Variants in SAMD12 observed in about 807,000 individuals in gnomAD.
The protein encoded by SAMD12 is sterile alpha motif domain-containing protein 12.
In SAMD12, 9 loss-of-function variants were observed where a neutral mutation model predicts 15.0. The observed-to-expected ratio is 0.60, with a 90% CI of 0.36 to 1.05. The LOEUF (loss-of-function observed/expected upper bound fraction) is 1.05. SAMD12 is among the 50% of genes least tolerant of loss of function. The pLI is 0.01. For synonymous variants in SAMD12, 86 were observed against 90.1 expected (o/e 0.96, Z 0.25); for missense variants, 230 against 234.2 (o/e 0.98, Z 0.12).
intron 4 of SAMD12, among the ~76,000 whole-genome samples, chr8:118,290,692 C>A (rs568174880): frequency 5.9e-5 from 9 of 152,262 alleles, no homozygotes; most frequent in Admixed American, 3.9e-4. Flanking sequence ...TTAATTACTA[C>A]TTAAGTTCAA....
intron 4 of SAMD12, among the ~76,000 whole-genome samples, chr8:118,228,957 A>G (rs1812245433): frequency 6.6e-6 from 1 of 152,244 alleles, no homozygotes; most frequent in South Asian, 2.1e-4. Flanking sequence ...CTACTCTGCC[A>G]TAAAAAGGAA....
the SAMD12 span, among the ~76,000 whole-genome samples, chr8:118,163,362 G>C: frequency 6.6e-6 from 1 of 152,192 alleles, no homozygotes; most frequent in African/African-American, 2.4e-5. Context: ...TTACAGGTGT[G>C]AGCCTGCAAC....
chr8:118,320,534 T>C (rs1816178028), intron 4 of SAMD12, among the ~76,000 whole-genome samples: 1 of 152,032 alleles, frequency 6.6e-6, no homozygotes, highest in Non-Finnish European at 1.5e-5. Flanking sequence ...ATCAACTCGT[T>C]ATATTGAAAA....
intron 3 of SAMD12, among the ~76,000 whole-genome samples, chr8:118,398,413 A>AAAAT (rs1820699327): frequency 6.6e-6 from 1 of 152,164 alleles, no homozygotes; most frequent in Non-Finnish European, 1.5e-5. Flanking sequence ...ACAAAATAAA[A>AAAAT]AAATAAAAAA....
intron 2 of SAMD12, among the ~76,000 whole-genome samples, chr8:118,469,525 A>AATATATATC (rs1554669443): frequency 7.8e-4 from 1 of 1,282 alleles, no homozygotes; most frequent in African/African-American, 2.6e-3. Flanking sequence ...TAATATATAT[A>AATATATATC]ATATATTATA....
At chr8:118,522,199 T>TACAC (rs1554679226) in intron 2 of SAMD12, among the ~76,000 whole-genome samples, 1 of 15,802 alleles carries the variant, frequency 6.3e-5, no homozygotes, top group Non-Finnish European at 1.2e-4. Context: ...CACACACACA[T>TACAC]ACACACACAC....
At chr8:118,369,820 A>G (rs1818989522) in intron 4 of SAMD12, among the ~76,000 whole-genome samples, 1 of 152,188 alleles carries the variant, frequency 6.6e-6, no homozygotes, top group Non-Finnish European at 1.5e-5. Context: ...CAAAAACTGT[A>G]GAAGAAAATC....
intron 4 of SAMD12, among the ~76,000 whole-genome samples, chr8:118,325,429 G>A (rs114586563): frequency 7.0e-4 from 107 of 152,180 alleles, no homozygotes; most frequent in African/African-American, 2.0e-3. Flanking sequence ...TTGCTCCCCC[G>A]GGTTTATTGA....
the SAMD12 span, among the ~76,000 whole-genome samples, chr8:118,175,802 G>T: frequency 2.2e-4 from 34 of 152,194 alleles, no homozygotes; most frequent in South Asian, 6.8e-3. Flanking sequence ...ATATCACACT[G>T]GTCAGAATGG....
intron 2 of SAMD12, among the ~76,000 whole-genome samples, chr8:118,486,959 T>C (rs1824308578): frequency 6.6e-6 from 1 of 152,156 alleles, no homozygotes; most frequent in African/African-American, 2.4e-5. Flanking sequence ...AGAGGTGAAG[T>C]AAGGGGAATA....
chr8:118,385,943 T>C (rs1248888268), intron 3 of SAMD12, among the ~76,000 whole-genome samples: 3 of 152,232 alleles, frequency 2.0e-5, no homozygotes, highest in South Asian at 4.2e-4. Flanking sequence ...CACATGCCAA[T>C]TGAAAGCAAT....
intron 2 of SAMD12, among the ~76,000 whole-genome samples, chr8:118,468,216 A>G (rs1823653303): frequency 6.6e-6 from 1 of 152,194 alleles, no homozygotes; most frequent in Non-Finnish European, 1.5e-5. Context: ...GTGGAAAAAC[A>G]GCTGTGGCAA....
chr8:118,492,241 A>T (rs1179330524), intron 2 of SAMD12, among the ~76,000 whole-genome samples: 1 of 150,390 alleles, frequency 6.6e-6, no homozygotes, highest in Non-Finnish European at 1.5e-5. Flanking sequence ...TCATATGCCT[A>T]TTGGCCATTT....
intron 2 of SAMD12, among the ~76,000 whole-genome samples, chr8:118,466,769 A>C (rs1316039053): frequency 6.6e-6 from 1 of 151,616 alleles, no homozygotes; most frequent in Non-Finnish European, 1.5e-5. Context: ...ACTACAAATG[A>C]TGTGTTCTGG....
chr8:118,234,595 C>T (rs1218373207), intron 4 of SAMD12, among the ~76,000 whole-genome samples: 2 of 150,904 alleles, frequency 1.3e-5, no homozygotes, highest in African/African-American at 4.9e-5. Context: ...GCTATAGTCC[C>T]AGCTACTTGG....
chr8:118,366,103 C>T (rs1212068339), intron 4 of SAMD12, among the ~76,000 whole-genome samples: 3 of 152,154 alleles, frequency 2.0e-5, no homozygotes, highest in Non-Finnish European at 4.4e-5. Context: ...AGCAAATACA[C>T]GGTTTTATAG....
At chr8:118,183,042 G>T in the SAMD12 span, among the ~76,000 whole-genome samples, 1 of 152,206 alleles carries the variant, frequency 6.6e-6, no homozygotes, top group African/African-American at 2.4e-5. Context: ...CAAAAATGCA[G>T]AATGAGGACT....
the SAMD12 span, among the ~76,000 whole-genome samples, chr8:118,149,893 C>A: frequency 6.6e-6 from 1 of 151,912 alleles, no homozygotes; most frequent in Non-Finnish European, 1.5e-5. Context: ...CATATACATA[C>A]GGGTCTATTT....
At position 118,533,216 on chromosome 8, in the gene SAMD12, G is replaced by A. The variant is rs375386742; in HGVS notation, c.192+47499C>T. On this transcript the variant is annotated intron_variant, in intron 2 of 3. Coordinates refer to ENST00000314727, the MANE Select transcript of SAMD12 (RefSeq NM_207506.3). ...TAATGTACCCAGTAGTCATTCAGGA[G>A]CAGGTTGTTGAGTTTCCATGTAGTT... Among the ~76,000 whole-genome samples the A allele has an allele frequency of 2.2e-4, 34 of 152,276 alleles. 1 individual carries two copies. In the East Asian group the frequency reaches 4.6e-3, roughly 21 times the overall value.
Sources: gnomAD v4.1 joint callset for allele counts (sites outside exome capture counted in the v4.1 genomes callset) on GRCh38, gnomAD v4.1.1 for gene constraint, MANE v1.5 for transcripts, NCBI Gene and HGNC (gene_info 2026-07-23, HGNC 2026-07-21) for gene names.